LRBA: variants seen among roughly 807,000 people sequenced by gnomAD.
LRBA encodes the protein lipopolysaccharide-responsive and beige-like anchor protein.
Under a neutral mutation model 330.0 loss-of-function variants are expected in LRBA, and 176 were observed. The observed-to-expected ratio is 0.53, with a 90% CI of 0.47 to 0.60. The LOEUF (loss-of-function observed/expected upper bound fraction) is 0.60, where lower values mean the gene tolerates loss of function less well. Among genes scored for constraint, LRBA ranks in the 20% least tolerant of loss-of-function variants. The probability of loss-of-function intolerance (pLI) is 0.00; values close to 1 mark genes in which losing one functional copy is unlikely to be tolerated. For missense variants in LRBA, 3,259 were observed against 3,444.8 expected (o/e 0.95, Z 1.35); for synonymous variants, 1,230 against 1,193.0 (o/e 1.03, Z -0.64).
intron 37 of LRBA, among the ~76,000 whole-genome samples, chr4:150,626,823 C>T (rs1776908995): frequency 6.6e-6 from 1 of 152,098 alleles, no homozygotes. Flanking sequence ...GTATCAAAAA[C>T]TTTAATTAAA....
chr4:150,446,408 A>G (rs1752619945), intron 44 of LRBA, among the ~76,000 whole-genome samples: 1 of 152,236 alleles, frequency 6.6e-6, no homozygotes, highest in African/African-American at 2.4e-5. Flanking sequence ...GTGCAACAGA[A>G]GACACTCTAA....
chr4:150,513,731 T>A (rs764231071), intron 40 of LRBA, among the ~76,000 whole-genome samples: 2 of 152,190 alleles, frequency 1.3e-5, no homozygotes, highest in Non-Finnish European at 2.9e-5. Flanking sequence ...CGTCTTCTTA[T>A]AAGGCCAAAG....
chr4:150,898,167 C>T (rs1013623714), intron 14 of LRBA, among the ~76,000 whole-genome samples: 2 of 151,798 alleles, frequency 1.3e-5, no homozygotes, highest in African/African-American at 4.8e-5. Flanking sequence ...AGTAAGGTAA[C>T]AGAAGTTTAC....
intron 17 of LRBA, among the ~76,000 whole-genome samples, chr4:150,877,611 T>C (rs917777533): frequency 8.5e-5 from 13 of 152,178 alleles, no homozygotes; most frequent in Admixed American, 7.2e-4. Context: ...TGACAGGCAT[T>C]AGACATGCCA....
intron 40 of LRBA, among the ~76,000 whole-genome samples, chr4:150,516,229 T>TGCTAAGTACCTG (rs1762344362): frequency 1.0e-5 from 1 of 100,304 alleles, no homozygotes; most frequent in Non-Finnish European, 2.3e-5. Context: ...TTTTTTTTTT[T>TGCTAAGTACCTG]TTTTTTTTTT....
At chr4:150,813,470 C>A (rs187563967) in intron 31 of LRBA, among the ~76,000 whole-genome samples, 1 of 152,004 alleles carries the variant, frequency 6.6e-6, no homozygotes, top group Admixed American at 6.6e-5. Flanking sequence ...AATTTGTACA[C>A]CAAAAAAGTT....
At position 150,285,995 on chromosome 4, in the gene LRBA, T is replaced by G; in HGVS notation, c.8057A>C (p.Asp2686Ala). 1.3e-6 allele frequency: 2 copies of G among 1,593,028 alleles called. No individual in the cohort carries two copies. ...AAPRAILTGH[D>A]YEVTCAAVCA... is the part of the protein sequence containing the mutation. ...CACCGCAGCACATGTGACCTCATAG[T>G]CATGGCCGGTCAAAATGGCCCGAGG... The change falls in exon 54 of 57, where the codon GAC becomes GCC. Residue 2686 changes from aspartate to alanine, a missense_variant. By Grantham distance (126) the Asp-to-Ala change is moderately radical. Transcript: ENST00000651943.
intron 40 of LRBA, among the ~76,000 whole-genome samples, chr4:150,543,537 A>G (rs1217302915): frequency 6.6e-6 from 1 of 152,220 alleles, no homozygotes; most frequent in African/African-American, 2.4e-5. Context: ...TGATTACAGA[A>G]ACTTTTATGA....
At chr4:150,338,388 C>T (rs967217076) in intron 48 of LRBA, among the ~76,000 whole-genome samples, 33 of 152,148 alleles carry the variant, frequency 2.2e-4, no homozygotes, top group African/African-American at 7.7e-4. Flanking sequence ...GAAAATGACA[C>T]TTTTAGAGGA....
At chr4:150,582,607 A>T (rs577534418) in intron 40 of LRBA, 1 of 166,462 alleles carries the variant, frequency 6.0e-6, no homozygotes, top group African/African-American at 2.4e-5. Flanking sequence ...CACTTAAAAA[A>T]CCTCATTTCC....
At chr4:150,317,710 T>C (rs1305063868) in intron 50 of LRBA, among the ~76,000 whole-genome samples, 1 of 152,162 alleles carries the variant, frequency 6.6e-6, no homozygotes, top group Admixed American at 6.6e-5. Context: ...CTTAGAAACA[T>C]TTAAACCAAA....
intron 44 of LRBA, among the ~76,000 whole-genome samples, chr4:150,457,534 C>T (rs1316574905): frequency 6.6e-6 from 1 of 151,846 alleles, no homozygotes; most frequent in East Asian, 1.9e-4. Flanking sequence ...TACATATTCA[C>T]ATACAAAGTA....
At position 150,894,036 on chromosome 4, in the gene LRBA, AT is replaced by A. The variant is rs1729786062; in HGVS notation, c.2068-888del. On this transcript the variant is annotated intron_variant, in intron 16 of 56. Transcript: ENST00000651943. ...ACCTTTTATGTTATATTGAATCAAG[AT>A]TTTGTAAAACATAACCTTTAGAAAC... is the stretch of plus-strand genomic sequence containing the variant. Among the ~76,000 whole-genome samples the A allele has an allele frequency of 7.2e-5, 11 of 152,306 alleles. 1 individual carries two copies. In the South Asian group the frequency reaches 2.3e-3, roughly 32 times the overall value.
chr4:151,001,664 C>T (rs368082701), intron 2 of LRBA, among the ~76,000 whole-genome samples: 16 of 152,220 alleles, frequency 1.1e-4, no homozygotes, highest in African/African-American at 3.9e-4. Flanking sequence ...CACTCAGGAT[C>T]CAGTGGGTCA....
intron 40 of LRBA, among the ~76,000 whole-genome samples, chr4:150,537,856 G>A (rs1477621520): frequency 6.6e-6 from 1 of 152,084 alleles, no homozygotes; most frequent in Non-Finnish European, 1.5e-5. Context: ...TTGGGAGGCT[G>A]AGGCATGAAA....
intron 34 of LRBA, among the ~76,000 whole-genome samples, chr4:150,783,472 G>A (rs1480317500): frequency 2.0e-5 from 3 of 152,198 alleles, no homozygotes; most frequent in Non-Finnish European, 4.4e-5. Context: ...CTTCAATTTT[G>A]TAGTATCTGA....
intron 37 of LRBA, among the ~76,000 whole-genome samples, chr4:150,670,120 C>CT (rs1483292968): frequency 3.9e-5 from 6 of 152,172 alleles, no homozygotes; most frequent in East Asian, 1.9e-4. Context: ...ATGGAATTAT[C>CT]TTTTTTCTCA....
intron 40 of LRBA, among the ~76,000 whole-genome samples, chr4:150,555,482 G>T (rs1767178688): frequency 6.6e-6 from 1 of 152,116 alleles, no homozygotes. Context: ...GAATTGGCTG[G>T]GTGCACGCCT....
chr4:150,542,102 A>G (rs1765374791), intron 40 of LRBA, among the ~76,000 whole-genome samples: 1 of 152,246 alleles, frequency 6.6e-6, no homozygotes, highest in Non-Finnish European at 1.5e-5. Context: ...TTTAAAATTT[A>G]TAGTACTTAT....
Sources: gnomAD v4.1 joint callset for allele counts (sites outside exome capture counted in the v4.1 genomes callset) on GRCh38, gnomAD v4.1.1 for gene constraint, MANE v1.5 for transcripts, NCBI Gene and HGNC (gene_info 2026-07-23, HGNC 2026-07-21) for gene names.